Variants in DDX4 observed in about 807,000 individuals in gnomAD.
The protein encoded by DDX4 is DEAD-box helicase 4.
DDX4 carries 25 observed loss-of-function variants against 100.0 expected under a neutral mutation model. The ratio of observed to expected loss-of-function variants is 0.25; its 90% CI spans 0.18 to 0.35. The LOEUF is 0.35. Ranked by LOEUF, DDX4 falls within the 10% of genes least tolerant of loss-of-function variation. The pLI is 1.00. For missense variants in DDX4, 635 were observed against 882.4 expected, an observed-to-expected ratio of 0.72 and a Z score of 3.55; for synonymous variants, 259 against 275.7, an observed-to-expected ratio of 0.94 and a Z score of 0.60.
chr5:55,780,705 C>G (rs1016788811), intron 8 of DDX4, among the ~76,000 whole-genome samples: 1 of 152,110 alleles, frequency 6.6e-6, no homozygotes, highest in Non-Finnish European at 1.5e-5. Context: ...TGAAATGATG[C>G]AATGTGAAGT....
intron 18 of DDX4, among the ~76,000 whole-genome samples, chr5:55,813,065 G>T (rs78345808): frequency 1.3e-5 from 2 of 151,988 alleles, no homozygotes; most frequent in African/African-American, 2.4e-5. Context: ...TCCGGCCCAT[G>T]CTTGAATTTC....
intron 15 of DDX4, among the ~76,000 whole-genome samples, chr5:55,789,489 C>A (rs1000085745): frequency 6.6e-6 from 1 of 152,188 alleles, no homozygotes. Flanking sequence ...GCACTGGCTT[C>A]CCCTAGATTA....
intron 8 of DDX4, among the ~76,000 whole-genome samples, chr5:55,780,360 A>G (rs145906671): frequency 6.6e-6 from 1 of 152,188 alleles, no homozygotes; most frequent in Non-Finnish European, 1.5e-5. Context: ...CCTTATAAAC[A>G]GGTGACCTTC....
intron 2 of DDX4, among the ~76,000 whole-genome samples, chr5:55,739,431 A>G (rs760791766): frequency 1.9e-4 from 29 of 152,208 alleles, no homozygotes; most frequent in South Asian, 6.2e-4. Flanking sequence ...CTCAGGATAA[A>G]TGATACTAGG....
At position 55,796,823 on chromosome 5, in the gene DDX4, CTTTTTTTTTTTTTTTTTTTTTTTTT is replaced by C. The variant is rs3990072; in HGVS notation, c.1470-1593_1470-1569del. The stretch of plus-strand genomic sequence containing the variant: ...TTTTCTTTTCTTTTTTTCTTTCTTT[CTTTTTTTTTTTTTTTTTTTTTTTTT>C]TTTTTTTTTGGAGACAAGGTCTCAC... On this transcript the variant is annotated intron_variant, in intron 17 of 21. Coordinates refer to ENST00000505374, the MANE Select transcript of DDX4 (RefSeq NM_024415.3). Among the ~76,000 whole-genome samples, 6 of 59,944 alleles carry C rather than the reference CTTTTTTTTTTTTTTTTTTTTTTTTT, an allele frequency of 1.0e-4. No homozygotes were observed. In the East Asian group the frequency reaches 2.4e-3, roughly 24 times the overall value. 39.3% of individuals were successfully genotyped at this position (59,944 alleles called of 152,430 possible). A position where few individuals can be genotyped will look rare whatever the true frequency, so the allele number is the denominator to read the frequency against.
intron 17 of DDX4, among the ~76,000 whole-genome samples, chr5:55,796,475 A>AT (rs1216956858): frequency 6.6e-6 from 1 of 152,232 alleles, no homozygotes; most frequent in African/African-American, 2.4e-5. Flanking sequence ...TCACTTCTGC[A>AT]TTAGTGGCAA....
intron 17 of DDX4, among the ~76,000 whole-genome samples, chr5:55,796,807 C>CT (rs1320426223): frequency 1.4e-5 from 1 of 70,112 alleles, no homozygotes; most frequent in Non-Finnish European, 3.6e-5. Context: ...CTTTTCTTTT[C>CT]TTTTTTTCTT....
chr5:55,738,955 G>C lies in DDX4; in HGVS notation c.-9G>C. 1 of 1,539,564 alleles carries C rather than the reference G, an allele frequency of 6.5e-7. No individual in the cohort carries two copies. The highest frequency in any genetic ancestry group is 1.1e-5 in the South Asian group (1 of 87,554). ...TTTTTTTTTTTTATGAATAGAACTT[G>C]AAGCCACCATGGGAGATGAAGATTG... On this transcript the variant is annotated 5_prime_UTR_variant, in exon 2 of 22. Transcript: ENST00000505374.
chr5:55,764,577 G>C (rs1740770991), intron 6 of DDX4, among the ~76,000 whole-genome samples: 1 of 152,160 alleles, frequency 6.6e-6, no homozygotes, highest in African/African-American at 2.4e-5. Context: ...TCCCAAATCT[G>C]ATTGAGTCGA....
At position 55,794,226 on chromosome 5, in the gene DDX4, C is replaced by T. The variant is rs139166340; in HGVS notation, c.1469+1419C>T. Among the ~76,000 whole-genome samples, 5 of 143,400 alleles carry T rather than the reference C, an allele frequency of 3.5e-5. No individual in the cohort carries two copies. In the South Asian group the frequency reaches 1.1e-3, roughly 31 times the overall value. 94.1% of individuals were successfully genotyped at this position (143,400 alleles called of 152,430 possible). Reference sequence around the variant, plus strand: ...GATGAAGTCTTGCTCTTGCTCTTGTCCCCCAGGCTGGAGTGCAATGGCGCG... The same window carrying T: ...GATGAAGTCTTGCTCTTGCTCTTGTTCCCCAGGCTGGAGTGCAATGGCGCG... On this transcript the variant is annotated intron_variant, in intron 17 of 21. Coordinates refer to ENST00000505374, the MANE Select transcript of DDX4 (RefSeq NM_024415.3).
chr5:55,802,989 T>C (rs1743419879), intron 18 of DDX4, among the ~76,000 whole-genome samples: 1 of 152,172 alleles, frequency 6.6e-6, no homozygotes, highest in Admixed American at 6.6e-5. Context: ...AGGGTACATG[T>C]GCACAACATG....
At chr5:55,786,392 C>T in intron 13 of DDX4, 126 bp from the exon 14 acceptor site, 1 of 637,258 alleles carries the variant, frequency 1.6e-6, no homozygotes, top group Non-Finnish European at 2.6e-6. Context: ...AGGCATGTTA[C>T]TAAAGTCACT....
chr5:55,802,561 A>C (rs1051788048), intron 18 of DDX4, among the ~76,000 whole-genome samples: 1 of 152,148 alleles, frequency 6.6e-6, no homozygotes, highest in Non-Finnish European at 1.5e-5. Context: ...TGGAAATCTC[A>C]CTCAGTCCAG....
chr5:55,754,620 T>G (rs1759811470), intron 3 of DDX4, among the ~76,000 whole-genome samples: 1 of 151,776 alleles, frequency 6.6e-6, no homozygotes, highest in African/African-American at 2.4e-5. Context: ...TCAAGGATAT[T>G]GGTCTAAAAT....
At chr5:55,785,992 G>A in intron 13 of DDX4, 121 bp downstream of exon 13, 1 of 615,488 alleles carries the variant, frequency 1.6e-6, no homozygotes, top group Non-Finnish European at 2.8e-6. Context: ...AAGGTCTTAG[G>A]TTGGAAATTT....
At chr5:55,799,226 C>G (rs1561511890) in intron 18 of DDX4, among the ~76,000 whole-genome samples, 1 of 152,086 alleles carries the variant, frequency 6.6e-6, no homozygotes, top group Non-Finnish European at 1.5e-5. Flanking sequence ...CGCTACCATG[C>G]CTAGCTAATT....
intron 17 of DDX4, among the ~76,000 whole-genome samples, chr5:55,794,284 T>C (rs1742777232): frequency 6.6e-6 from 1 of 150,580 alleles, no homozygotes; most frequent in Non-Finnish European, 1.5e-5. Context: ...ATCTCCCGGG[T>C]TCAAGCGATT....
intron 2 of DDX4, among the ~76,000 whole-genome samples, chr5:55,742,875 G>A (rs1001596203): frequency 6.6e-6 from 1 of 152,178 alleles, no homozygotes; most frequent in Admixed American, 6.5e-5. Flanking sequence ...AGAAATGTGT[G>A]TGTGAGACTG....
At chr5:55,805,351 C>T (rs1352748990) in intron 18 of DDX4, among the ~76,000 whole-genome samples, 1 of 151,600 alleles carries the variant, frequency 6.6e-6, no homozygotes, top group Non-Finnish European at 1.5e-5. Flanking sequence ...CCAGAACTTC[C>T]AACACTATGT....
Sources: allele counts gnomAD v4.1 joint callset (sites outside exome capture counted in the v4.1 genomes callset), GRCh38; gene constraint gnomAD v4.1.1; transcripts MANE v1.5; gene names NCBI Gene and HGNC (gene_info 2026-07-23, HGNC 2026-07-21).